The following CREBBP variants were observed in gnomAD, a reference collection of about 807,000 sequenced individuals.
CREBBP encodes the protein CREB binding lysine acetyltransferase.
In CREBBP, 19 loss-of-function variants were observed where a neutral mutation model predicts 265.0. The ratio of observed to expected loss-of-function variants is 0.07; its 90% CI spans 0.05 to 0.11. The LOEUF is 0.11. Among genes scored for constraint, CREBBP ranks in the 10% least tolerant of loss-of-function variants. The probability of loss-of-function intolerance (pLI) is 1.00; values close to 1 mark genes in which losing one functional copy is unlikely to be tolerated. For synonymous variants in CREBBP, 1,457 were observed against 1,223.7 expected (o/e 1.19, Z -3.98); for missense variants, 2,525 against 3,219.0 (o/e 0.78, Z 5.22).
At chr16:3,762,843 C>T (rs1050158669) in intron 16 of CREBBP, among the ~76,000 whole-genome samples, 2 of 151,304 alleles carry the variant, frequency 1.3e-5, no homozygotes, top group African/African-American at 4.9e-5. Flanking sequence ...GGCGCGATCT[C>T]GGCTCACTGC....
intron 1 of CREBBP, 101 bp downstream of exon 1, chr16:3,879,731 C>T (rs2055484695): frequency 2.3e-6 from 3 of 1,296,978 alleles, no homozygotes; most frequent in Non-Finnish European, 3.3e-6. Context: ...CTCCGAGCTC[C>T]CGGCTCGATC....
intron 1 of CREBBP, among the ~76,000 whole-genome samples, chr16:3,868,028 T>TC (rs1172573380): frequency 6.6e-5 from 10 of 152,188 alleles, no homozygotes; most frequent in African/African-American, 2.2e-4. Flanking sequence ...AAGGCACTGA[T>TC]AGTAGAGTTA....
intron 1 of CREBBP, among the ~76,000 whole-genome samples, chr16:3,858,611 A>C (rs1267796643): frequency 1.3e-5 from 2 of 152,256 alleles, no homozygotes; most frequent in Non-Finnish European, 2.9e-5. Context: ...GTGCTGAATG[A>C]GTGCTCACAT....
intron 28 of CREBBP, among the ~76,000 whole-genome samples, chr16:3,733,320 C>T (rs186486009): frequency 2.7e-5 from 4 of 149,132 alleles, no homozygotes; most frequent in African/African-American, 1.0e-4. Context: ...TGAGATGGCG[C>T]CACTGCACTC....
At chr16:3,758,342 A>G (rs957751361) in intron 17 of CREBBP, among the ~76,000 whole-genome samples, 4 of 152,244 alleles carry the variant, frequency 2.6e-5, no homozygotes, top group Non-Finnish European at 4.4e-5. Flanking sequence ...TAGATCTTTA[A>G]TCCACTGAAT....
intron 3 of CREBBP, among the ~76,000 whole-genome samples, chr16:3,800,881 A>G (rs1198530681): frequency 6.6e-6 from 1 of 152,252 alleles, no homozygotes; most frequent in African/African-American, 2.4e-5. Flanking sequence ...ATCACTAGGA[A>G]CAAGTGTAAG....
chr16:3,768,056 G>A (rs924889143), intron 15 of CREBBP, 147 bp from the exon 16 acceptor site: 7 of 692,148 alleles, frequency 1.0e-5, no homozygotes, highest in Non-Finnish European at 1.8e-5. Flanking sequence ...TTCTCTTCCG[G>A]AAGAAGAAAT....
Position 3,769,212 on chromosome 16 carries a change from G to T in CREBBP, c.3022C>A (p.Pro1008Thr), listed in dbSNP as rs2052937031. The T allele has an allele frequency of 6.2e-7, 1 of 1,614,114 alleles. No individual in the cohort carries two copies. Among genetic ancestry groups the T allele is most frequent in the Non-Finnish European group, 8.5e-7 (1 of 1,180,034 alleles). The part of the protein sequence containing the change: ...KTETQAEDTE[P>T]DPGESKGEPR... ...TCCCCTTTGGATTCACCAGGATCGG[G>T]CTCAGTGTCCTCTGCTTGGGTCTCC... Residue 1008 changes from proline (P) to threonine (T), a missense_variant, in exon 15 of 31, where the codon CCC (proline) becomes ACC (threonine). Transcript: ENST00000262367.
chr16:3,857,117 A>G lies in CREBBP; in HGVS notation c.86-6108T>C, dbSNP rs74398802. Among the ~76,000 whole-genome samples the G allele has an allele frequency of 6.7e-3, 1,027 of 152,200 alleles. 16 individuals carry two copies. Among genetic ancestry groups the G allele is most frequent in the African/African-American group, 0.024 (995 of 41,522 alleles). On this transcript the variant is annotated intron_variant, in intron 1 of 30. Transcript: ENST00000262367. ...TCACCCATCATCCTGCCACTCTCAGAGCTATCAGTTTTCATTTATGGTTTA... is the reference window on the plus strand; with the variant it reads ...TCACCCATCATCCTGCCACTCTCAGGGCTATCAGTTTTCATTTATGGTTTA...
rs2151298830 is a variant in CREBBP at position 3,727,880 on chromosome 16, G to C, written c.7167C>G (p.Val2389=). The change falls in exon 31 of 31, where the codon GTC becomes GTG. Residue 2389 remains valine (V), a synonymous_variant. Transcript: ENST00000262367. ...CCTGATCTATGGAGCTGGCCATGGTGACTGCGAGTCCGGGGTGGGGGGAAC... is the reference window on the plus strand; with the variant it reads ...CCTGATCTATGGAGCTGGCCATGGTCACTGCGAGTCCGGGGTGGGGGGAAC... ...QTGSPHPGLA[V]TMASSIDQGH... 1.9e-6 allele frequency: 3 copies of C among 1,613,810 alleles called. No homozygotes were observed. Among genetic ancestry groups the C allele is most frequent in the Non-Finnish European group, 2.5e-6 (3 of 1,179,806 alleles).
chr16:3,781,359 A>G (rs1431071896), intron 6 of CREBBP, 53 bp from the exon 7 acceptor site: 14 of 1,437,808 alleles, frequency 9.7e-6, no homozygotes, highest in Middle Eastern at 3.9e-4. Flanking sequence ...TATATACTTC[A>G]AAGTTTTGAT....
chr16:3,799,369 G>C (rs533817436), intron 3 of CREBBP, among the ~76,000 whole-genome samples: 60 of 152,224 alleles, frequency 3.9e-4, no homozygotes, highest in African/African-American at 1.4e-3. Flanking sequence ...TAAAGGAATA[G>C]AAATAAAACA....
At chr16:3,736,569 A>G (rs2151328749) in intron 27 of CREBBP, 81 bp downstream of exon 27, 2 of 1,566,864 alleles carry the variant, frequency 1.3e-6, no homozygotes, top group Non-Finnish European at 8.8e-7. Context: ...ATTAACAAGT[A>G]TGCGAATGCA....
At chr16:3,807,780 G>A (rs956462588) in intron 3 of CREBBP, among the ~76,000 whole-genome samples, 5 of 152,178 alleles carry the variant, frequency 3.3e-5, no homozygotes, top group Admixed American at 6.5e-5. Context: ...CTAGAAAGAT[G>A]TTGGGGAGAC....
At chr16:3,781,168 G>C (rs768773074) in intron 7 of CREBBP, 36 bp downstream of exon 7, 3 of 1,546,708 alleles carry the variant, frequency 1.9e-6, no homozygotes, top group Non-Finnish European at 2.7e-6. Context: ...CCATGCTCCT[G>C]TTGGACTGTC....
At chr16:3,746,350 GA>G (rs142322241) in intron 21 of CREBBP, among the ~76,000 whole-genome samples, 5,423 of 148,482 alleles carry the variant, frequency 0.037, 315 homozygotes, top group African/African-American at 0.13. Flanking sequence ...ACAGATCTGT[GA>G]AAAAAAAAAC....
chr16:3,760,312 G>A (rs1031063516), intron 16 of CREBBP, among the ~76,000 whole-genome samples: 4 of 149,360 alleles, frequency 2.7e-5, no homozygotes, highest in East Asian at 2.0e-4. Flanking sequence ...AGCTGGTCTC[G>A]AACTCCTGAG....
chr16:3,728,738 C>T lies in CREBBP; in HGVS notation c.6309G>A (p.Gln2103=), dbSNP rs746379340. The T allele has an allele frequency of 6.2e-7, 1 of 1,613,908 alleles. No individual in the cohort carries two copies. The highest frequency in any genetic ancestry group is 2.2e-5 in the East Asian group (1 of 44,868). Residue 2103 remains glutamine, a synonymous_variant, in exon 31 of 31, where the codon CAG becomes CAA. Transcript: ENST00000262367. This position sits in a 1 kb window ranked among gnomAD's most constrained non-coding sequence, Gnocchi z 8.7. ...NPQLMAAFIK[Q]RTAKYVANQP... ...GATTGGCCACGTACTTGGCTGTGCGCTGTTTGATGAAAGCTGCCATTAGCT... is the reference window on the plus strand; with the variant it reads ...GATTGGCCACGTACTTGGCTGTGCGTTGTTTGATGAAAGCTGCCATTAGCT...
In CREBBP at chr16:3,773,895, C is replaced by T. The variant is rs560358764; in HGVS notation, c.2319G>A (p.Pro773=). 5 of 1,612,182 alleles carry T rather than the reference C, an allele frequency of 3.1e-6. No individual in the cohort carries two copies. Among genetic ancestry groups the T allele is most frequent in the Admixed American group, 1.7e-5 (1 of 60,000 alleles). Reference sequence around the variant, plus strand: ...TGTTGGTGTGTGCACCCATCATGTTCGGAGGCTGAGGCATTCGGGAAGGAG... The same window carrying T: ...TGTTGGTGTGTGCACCCATCATGTTTGGAGGCTGAGGCATTCGGGAAGGAG... ...AISPSRMPQP[P]NMMGAHTNNM... Residue 773 remains proline (P), a synonymous_variant, in exon 13 of 31, where the codon CCG becomes CCA. Coordinates refer to ENST00000262367, the MANE Select transcript of CREBBP (RefSeq NM_004380.3).
Sources: allele counts gnomAD v4.1 joint callset (sites outside exome capture counted in the v4.1 genomes callset), GRCh38; gene constraint gnomAD v4.1.1; non-coding constraint Gnocchi (gnomAD v3.1); transcripts MANE v1.5; gene names NCBI Gene and HGNC (gene_info 2026-07-23, HGNC 2026-07-21).